Variants in STRN3 observed in about 807,000 individuals in gnomAD.
The protein encoded by STRN3 is striatin 3, also known as striatin-3.
STRN3 carries 29 observed loss-of-function variants against 95.6 expected under a neutral mutation model. The ratio of observed to expected loss-of-function variants is 0.30; its 90% confidence interval spans 0.23 to 0.41. The LOEUF is 0.41. STRN3 is among the 10% of genes least tolerant of loss of function. STRN3 has a pLI of 1.00. For missense variants in STRN3, 890 were observed against 972.1 expected (o/e 0.92, Z 1.12); for synonymous variants, 331 against 357.6 (o/e 0.93, Z 0.84).
Position 30,895,312 on chromosome 14 carries a change from G to T in STRN3, c.*99C>A. On this transcript the variant is annotated 3_prime_UTR_variant, in exon 18 of 18. Transcript: ENST00000357479. ...TGCCCCAGATAGCCTTCACCAGGCA[G>T]ATCACATGTAGTGTCATATCAGTAA... is the stretch of plus-strand genomic sequence containing the variant. The T allele has an allele frequency of 7.9e-7, 1 of 1,266,890 alleles. No individual in the cohort carries two copies. Among genetic ancestry groups the T allele is most frequent in the Non-Finnish European group, 1.1e-6 (1 of 942,988 alleles). 78.5% of individuals were successfully genotyped at this position (1,266,890 alleles called of 1,614,324 possible). A position where few individuals can be genotyped will look rare whatever the true frequency, so the allele number is the denominator to read the frequency against.
intron 1 of STRN3, among the ~76,000 whole-genome samples, chr14:30,966,204 G>A (rs764303066): frequency 2.0e-5 from 3 of 151,024 alleles, no homozygotes; most frequent in Non-Finnish European, 2.9e-5. Context: ...GGAACAACAC[G>A]GCAGCAAAGG....
intron 1 of STRN3, chr14:31,018,395 C>A: frequency 5.5e-6 from 2 of 365,778 alleles, no homozygotes; most frequent in East Asian, 7.9e-5. Flanking sequence ...GTTGAATGAA[C>A]AATACCTGTG....
chr14:31,005,983 G>A (rs1448709367), intron 1 of STRN3, among the ~76,000 whole-genome samples: 1 of 151,934 alleles, frequency 6.6e-6, no homozygotes, highest in African/African-American at 2.4e-5. Flanking sequence ...CAGGTGTGGT[G>A]GCACATGCAC....
chr14:30,993,599 A>T (rs1044062763), intron 1 of STRN3, among the ~76,000 whole-genome samples: 1 of 152,156 alleles, frequency 6.6e-6, no homozygotes, highest in African/African-American at 2.4e-5. Context: ...TATTATTATT[A>T]TAATTTAAAA....
At chr14:31,003,441 C>T (rs1390076379) in intron 1 of STRN3, among the ~76,000 whole-genome samples, 1 of 151,534 alleles carries the variant, frequency 6.6e-6, no homozygotes, top group African/African-American at 2.4e-5. Flanking sequence ...ATTTGATTTC[C>T]AATGCTGGAG....
intron 1 of STRN3, among the ~76,000 whole-genome samples, chr14:30,966,369 GTGGCACCGAAACT>G (rs1407544492): frequency 1.3e-5 from 2 of 152,152 alleles, no homozygotes; most frequent in African/African-American, 4.8e-5. Flanking sequence ...TATTTCTTTT[GTGGCACCGAAACT>G]TTACATATAA....
intron 1 of STRN3, among the ~76,000 whole-genome samples, chr14:30,957,296 T>C (rs530585257): frequency 1.3e-5 from 2 of 151,926 alleles, no homozygotes; most frequent in East Asian, 1.9e-4. Context: ...TACTAAAAAA[T>C]ACAAAAAATT....
intron 7 of STRN3, among the ~76,000 whole-genome samples, chr14:30,932,731 T>TATG (rs1219303821): frequency 1.3e-5 from 2 of 152,178 alleles, no homozygotes; most frequent in Non-Finnish European, 2.9e-5. Context: ...ATATAGAAAC[T>TATG]ATTATCAAAG....
chr14:30,953,946 CT>C (rs1420558793), intron 3 of STRN3, among the ~76,000 whole-genome samples: 1 of 152,076 alleles, frequency 6.6e-6, no homozygotes, highest in Non-Finnish European at 1.5e-5. Context: ...GTTATATCCT[CT>C]TTAATAATAG....
chr14:30,919,219 A>G (rs1460201088), intron 8 of STRN3, 113 bp from the exon 9 acceptor site: 1 of 1,090,544 alleles, frequency 9.2e-7, no homozygotes, highest in African/African-American at 1.6e-5. Context: ...CCCAGTTATT[A>G]AAATATCAGA....
chr14:30,952,646 G>A (rs140893966), intron 3 of STRN3, among the ~76,000 whole-genome samples: 4,998 of 151,976 alleles, frequency 0.033, 290 homozygotes, highest in African/African-American at 0.11. Flanking sequence ...ATTGCATTGA[G>A]CCAAGATCGT....
At chr14:31,008,479 G>A (rs2139312472) in intron 1 of STRN3, among the ~76,000 whole-genome samples, 1 of 152,250 alleles carries the variant, frequency 6.6e-6, no homozygotes, top group African/African-American at 2.4e-5. Context: ...CTGCACTCTA[G>A]CCTGAATGAC....
At chr14:30,968,472 G>A (rs931470386) in intron 1 of STRN3, among the ~76,000 whole-genome samples, 1 of 151,520 alleles carries the variant, frequency 6.6e-6, no homozygotes, top group African/African-American at 2.4e-5. Context: ...ACGAGGTCAG[G>A]AGATCGAGAC....
intron 1 of STRN3, among the ~76,000 whole-genome samples, chr14:30,961,262 T>A (rs2139162032): frequency 6.6e-6 from 1 of 152,208 alleles, no homozygotes; most frequent in East Asian, 1.9e-4. Context: ...CATACTTACT[T>A]TAAAAGTCTG....
Position 31,026,208 on chromosome 14 carries a change from G to A in STRN3, c.-23C>T, listed in dbSNP as rs1347670859. 16 of 1,394,464 alleles carry A rather than the reference G, an allele frequency of 1.1e-5. No homozygotes were observed. Among genetic ancestry groups the A allele is most frequent in the Non-Finnish European group, 1.0e-5 (11 of 1,083,722 alleles). 86.4% of individuals were successfully genotyped at this position (1,394,464 alleles called of 1,614,324 possible). On this transcript the variant is annotated 5_prime_UTR_variant, in exon 1 of 18. Transcript: ENST00000357479. ...CATTGTGTGTGGGGCCCCGGCCGGG[G>A]CGCAGGGCGAGACGCCGACAGCTGG...
intron 1 of STRN3, among the ~76,000 whole-genome samples, chr14:30,999,128 C>T (rs1305553761): frequency 1.3e-5 from 2 of 152,184 alleles, no homozygotes. Flanking sequence ...ACTGTAGCCT[C>T]GCCCTCCTAG....
intron 1 of STRN3, among the ~76,000 whole-genome samples, chr14:30,963,730 A>G (rs1462107026): frequency 6.6e-6 from 1 of 152,226 alleles, no homozygotes; most frequent in Non-Finnish European, 1.5e-5. Context: ...AACTTTAAAA[A>G]GACAGATATC....
At chr14:30,938,667 C>A (rs1208609199) in intron 5 of STRN3, among the ~76,000 whole-genome samples, 1 of 151,604 alleles carries the variant, frequency 6.6e-6, no homozygotes, top group Non-Finnish European at 1.5e-5. Context: ...TTGAAAGACA[C>A]CAAGAGAATG....
At chr14:30,989,470 A>G (rs1881847932) in intron 1 of STRN3, among the ~76,000 whole-genome samples, 1 of 151,984 alleles carries the variant, frequency 6.6e-6, no homozygotes, top group African/African-American at 2.4e-5. Flanking sequence ...TTATTTATTT[A>G]TTTATTTTGA....
Sources: allele counts gnomAD v4.1 joint callset (sites outside exome capture counted in the v4.1 genomes callset), GRCh38; gene constraint gnomAD v4.1.1; transcripts MANE v1.5; gene names NCBI Gene and HGNC (gene_info 2026-07-23, HGNC 2026-07-21).